The following ARID4B variants were observed in gnomAD, a reference collection of about 807,000 sequenced individuals.
ARID4B encodes the protein AT-rich interactive domain-containing protein 4B.
A neutral mutation model predicts 147.5 loss-of-function variants in ARID4B; 26 were observed. The observed-to-expected ratio is 0.18, with a 90% CI of 0.13 to 0.24. ARID4B has a LOEUF of 0.24. ARID4B is among the 10% of genes least tolerant of loss of function. The probability of loss-of-function intolerance (pLI) is 1.00; values close to 1 mark genes in which losing one functional copy is unlikely to be tolerated. For missense variants in ARID4B, 1,179 were observed against 1,511.5 expected, an observed-to-expected ratio of 0.78 and a Z score of 3.65; for synonymous variants, 512 against 507.9, an observed-to-expected ratio of 1.01 and a Z score of -0.11.
chr1:235,326,785 C>G, intron 2 of ARID4B, 129 bp downstream of exon 2: 1 of 1,217,992 alleles, frequency 8.2e-7, no homozygotes, highest in Non-Finnish European at 1.2e-6. Flanking sequence ...TGGGGAAGGG[C>G]TCGGTCACCA....
At chr1:235,300,857 A>G (rs190468325) in intron 2 of ARID4B, among the ~76,000 whole-genome samples, 102 of 151,740 alleles carry the variant, frequency 6.7e-4, no homozygotes, top group African/African-American at 2.5e-3. Context: ...CTACAGGTGC[A>G]TGCCACCACG....
intron 19 of ARID4B, among the ~76,000 whole-genome samples, chr1:235,192,322 A>C (rs1445935838): frequency 6.6e-6 from 1 of 152,200 alleles, no homozygotes; most frequent in Non-Finnish European, 1.5e-5. Context: ...GACTATAATT[A>C]CTTCTGGGAG....
At chr1:235,227,259 A>G (rs1336084916) in intron 11 of ARID4B, among the ~76,000 whole-genome samples, 1 of 152,190 alleles carries the variant, frequency 6.6e-6, no homozygotes, top group Non-Finnish European at 1.5e-5. Flanking sequence ...TGAGGCAGGA[A>G]TTGGACTATA....
intron 2 of ARID4B, among the ~76,000 whole-genome samples, chr1:235,321,246 T>C (rs1674812010): frequency 6.6e-6 from 1 of 152,282 alleles, no homozygotes; most frequent in Admixed American, 6.5e-5. Context: ...TTTTACAAGA[T>C]TACCTATTCA....
intron 17 of ARID4B, among the ~76,000 whole-genome samples, chr1:235,202,613 G>A (rs538191600): frequency 6.7e-4 from 102 of 151,168 alleles, no homozygotes; most frequent in African/African-American, 2.3e-3. Context: ...GCAATGGTGC[G>A]ATCTCAGCTC....
At chr1:235,170,906 G>A (rs1284390375) in intron 23 of ARID4B, among the ~76,000 whole-genome samples, 43 of 99,934 alleles carry the variant, frequency 4.3e-4, no homozygotes, top group Admixed American at 1.6e-3. Context: ...CCGAGACTCC[G>A]TCTCAAAAAA....
intron 5 of ARID4B, among the ~76,000 whole-genome samples, chr1:235,255,219 C>CTACA: frequency 7.8e-6 from 1 of 127,568 alleles, no homozygotes; most frequent in Non-Finnish European, 1.7e-5. Flanking sequence ...CTGCTGGGAG[C>CTACA]TAGATAGATA....
At chr1:235,177,439 T>TTTTTG (rs1349310877) in intron 21 of ARID4B, among the ~76,000 whole-genome samples, 1 of 152,212 alleles carries the variant, frequency 6.6e-6, no homozygotes, top group Non-Finnish European at 1.5e-5. Flanking sequence ...ACCTGTGTTT[T>TTTTTG]TTTTGTTTTG....
chr1:235,280,380 A>G (rs1671588827), intron 2 of ARID4B, among the ~76,000 whole-genome samples: 1 of 152,236 alleles, frequency 6.6e-6, no homozygotes, highest in South Asian at 2.1e-4. Flanking sequence ...ACAAGGTGGA[A>G]TACATACTGG....
At chr1:235,181,467 T>C (rs1664302538) in intron 20 of ARID4B, 118 bp downstream of exon 20, 2 of 1,331,474 alleles carry the variant, frequency 1.5e-6, no homozygotes, top group Non-Finnish European at 2.0e-6. Flanking sequence ...ATTTTTACCA[T>C]GTTCACACAA....
chr1:235,224,554 T>C (rs1191884235), intron 12 of ARID4B, 149 bp downstream of exon 12: 9 of 635,486 alleles, frequency 1.4e-5, no homozygotes, highest in Non-Finnish European at 2.5e-5. Context: ...TGACAGGCGC[T>C]ATGCTAGGTG....
chr1:235,321,082 T>C (rs558513536), intron 2 of ARID4B, among the ~76,000 whole-genome samples: 48 of 152,282 alleles, frequency 3.2e-4, no homozygotes, highest in African/African-American at 8.4e-4. Flanking sequence ...CCCAGAACAA[T>C]GTCCGGTACA....
At chr1:235,311,745 GC>G (rs1259873489) in intron 2 of ARID4B, among the ~76,000 whole-genome samples, 1 of 152,050 alleles carries the variant, frequency 6.6e-6, no homozygotes, top group Admixed American at 6.6e-5. Context: ...CTGCACTCCA[GC>G]CTGGGCAACA....
At chr1:235,312,417 C>T (rs1674117814) in intron 2 of ARID4B, among the ~76,000 whole-genome samples, 1 of 151,972 alleles carries the variant, frequency 6.6e-6, no homozygotes, top group African/African-American at 2.4e-5. Flanking sequence ...AAGAATACAC[C>T]CAAAAACTGT....
intron 22 of ARID4B, among the ~76,000 whole-genome samples, chr1:235,174,560 C>T (rs1051866011): frequency 1.3e-5 from 2 of 150,552 alleles, no homozygotes; most frequent in African/African-American, 4.9e-5. Flanking sequence ...CAGCACTTTG[C>T]GAGGCAGAGG....
chr1:235,207,260 T>C (rs923090098), intron 17 of ARID4B, among the ~76,000 whole-genome samples: 2 of 152,188 alleles, frequency 1.3e-5, no homozygotes, highest in Non-Finnish European at 2.9e-5. Flanking sequence ...AATAGTCTTC[T>C]AAGAAAGTAG....
intron 2 of ARID4B, among the ~76,000 whole-genome samples, chr1:235,265,345 G>A (rs1266536383): frequency 1.3e-5 from 2 of 150,644 alleles, no homozygotes; most frequent in African/African-American, 4.9e-5. Context: ...CAGCCCAGGC[G>A]ACACTGTGAG....
At chr1:235,246,088 G>C (rs75309968) in intron 7 of ARID4B, among the ~76,000 whole-genome samples, 2,227 of 152,290 alleles carry the variant, frequency 0.015, 33 homozygotes, top group Non-Finnish European at 0.019. Context: ...ACCAGGAAGG[G>C]AGGCATGGAG....
intron 16 of ARID4B, among the ~76,000 whole-genome samples, chr1:235,217,615 GAT>G (rs1160813605): frequency 1.3e-5 from 2 of 152,102 alleles, no homozygotes; most frequent in East Asian, 1.9e-4. Context: ...TTTTAAAAAA[GAT>G]AGTGTATTAA....
Sources: gnomAD v4.1 joint callset for allele counts (sites outside exome capture counted in the v4.1 genomes callset) on GRCh38, gnomAD v4.1.1 for gene constraint, MANE v1.5 for transcripts, NCBI Gene and HGNC (gene_info 2026-07-23, HGNC 2026-07-21) for gene names.